The following ACOT11 variants were observed in gnomAD, a reference collection of about 807,000 sequenced individuals.
ACOT11 encodes acyl-coenzyme A thioesterase 11.
A neutral mutation model predicts 77.5 loss-of-function variants in ACOT11; 69 were observed. That is an observed-to-expected ratio of 0.89 (90% CI 0.73 to 1.09). The LOEUF is 1.09. Among genes scored for constraint, ACOT11 ranks in the 50% least tolerant of loss-of-function variants. The pLI, the probability that ACOT11 is intolerant of heterozygous loss-of-function variation, is 0.00. For missense variants in ACOT11, 766 were observed against 813.7 expected, an observed-to-expected ratio of 0.94 and a Z score of 0.71; for synonymous variants, 279 against 313.0, an observed-to-expected ratio of 0.89 and a Z score of 1.15.
chr1:54,603,258 G>C (rs928566620), intron 10 of ACOT11, among the ~76,000 whole-genome samples: 1 of 152,248 alleles, frequency 6.6e-6, no homozygotes, highest in Non-Finnish European at 1.5e-5. Flanking sequence ...GCTGAGGCAA[G>C]AGAATCGCTT....
chr1:54,601,152 T>C lies in ACOT11; in HGVS notation c.885-117T>C, dbSNP rs912435583. ...ATGTGTGTGCATACGTGTGTGTGTG[T>C]GCATGCATGTGTGTGGGCGCATGTG... On this transcript the variant is annotated intron_variant, in intron 8 of 15. Coordinates refer to ENST00000343744, the MANE Select transcript of ACOT11 (RefSeq NM_147161.4). 14 of 1,203,524 alleles carry C rather than the reference T, an allele frequency of 1.2e-5. 1 individual carries two copies. The highest frequency in any genetic ancestry group is 6.0e-5 in the African/African-American group (4 of 66,522). The allele number at this position is 1,203,524 out of a possible 1,614,324, so 74.6% of individuals were successfully genotyped here.
downstream of ACOT11, among the ~76,000 whole-genome samples, chr1:54,613,608 G>A (rs539767062): frequency 3.9e-5 from 6 of 152,080 alleles, no homozygotes; most frequent in South Asian, 2.1e-4. Flanking sequence ...TTTGAACTTT[G>A]CCTTGATGAA....
In ACOT11 at chr1:54,627,045, C is replaced by T. The variant is rs979477390; in HGVS notation, c.1630-3689C>T. Among the ~76,000 whole-genome samples, 3 of 134,152 alleles carry T rather than the reference C, an allele frequency of 2.2e-5. No individual in the cohort carries two copies. In the South Asian group the frequency reaches 7.4e-4, roughly 33 times the overall value. 88.0% of individuals were successfully genotyped at this position (134,152 alleles called of 152,430 possible). ...CTAATTTTTGTATTTTTAGTAAAGA[C>T]GGGGTTTCACCATGTTGGCCAGGCT... On this transcript the variant is annotated intron_variant, in intron 15 of 16. Transcript: ENST00000371316.
At chr1:54,575,074 C>T (rs1006327605) in intron 1 of ACOT11, among the ~76,000 whole-genome samples, 14 of 152,228 alleles carry the variant, frequency 9.2e-5, no homozygotes, top group Non-Finnish European at 1.5e-5. Flanking sequence ...ACAGAGAGCC[C>T]CCTGGGGCTC....
chr1:54,622,568 C>CA (rs111738675), intron 15 of ACOT11, among the ~76,000 whole-genome samples: 5,970 of 140,072 alleles, frequency 0.043, 241 homozygotes, highest in African/African-American at 0.1. Flanking sequence ...GACTCCGTTT[C>CA]AAAAAAAAAA....
At chr1:54,588,186 A>C (rs1654574377) in intron 3 of ACOT11, among the ~76,000 whole-genome samples, 1 of 152,096 alleles carries the variant, frequency 6.6e-6, no homozygotes, top group Admixed American at 6.5e-5. Context: ...CCTGGGTGAC[A>C]CAGTGAGATC....
At chr1:54,602,873 A>G (rs915966910) in intron 10 of ACOT11, 149 bp downstream of exon 10, 3 of 884,618 alleles carry the variant, frequency 3.4e-6, no homozygotes, top group Non-Finnish European at 4.8e-6. Flanking sequence ...CTTATTACAC[A>G]GCGGTCTTCT....
intron 10 of ACOT11, 104 bp from the exon 11 acceptor site, chr1:54,603,767 G>C (rs1643992056): frequency 3.7e-6 from 4 of 1,088,812 alleles, no homozygotes; most frequent in Non-Finnish European, 4.2e-6. Flanking sequence ...CTCCCATTCT[G>C]CCGGGCTCAG....
At chr1:54,572,593 C>T (rs1653962651) in intron 1 of ACOT11, among the ~76,000 whole-genome samples, 2 of 152,042 alleles carry the variant, frequency 1.3e-5, no homozygotes, top group South Asian at 2.1e-4. Context: ...ACGGAAAGGG[C>T]GGGTCATTCA....
At chr1:54,608,681 T>C (rs1177548544) in intron 15 of ACOT11, among the ~76,000 whole-genome samples, 1 of 152,138 alleles carries the variant, frequency 6.6e-6, no homozygotes, top group Non-Finnish European at 1.5e-5. Context: ...CTCCAGGGCC[T>C]CTGGCTGGCG....
At chr1:54,618,775 T>C (rs1644200124) in intron 15 of ACOT11, among the ~76,000 whole-genome samples, 1 of 152,164 alleles carries the variant, frequency 6.6e-6, no homozygotes, top group South Asian at 2.1e-4. Context: ...GACCGTGAAT[T>C]GACACTGCTA....
chr1:54,550,383 G>A, intron 1 of ACOT11, among the ~76,000 whole-genome samples: 1 of 152,198 alleles, frequency 6.6e-6, no homozygotes, highest in East Asian at 1.9e-4. Context: ...TGCCACCTCT[G>A]CACCATTGTC....
intron 1 of ACOT11, among the ~76,000 whole-genome samples, chr1:54,552,830 G>T (rs1179450308): frequency 2.8e-4 from 37 of 132,294 alleles, no homozygotes; most frequent in African/African-American, 5.7e-4. Context: ...TTTTTGTTTT[G>T]TTTTTTTTTT....
intron 4 of ACOT11, among the ~76,000 whole-genome samples, chr1:54,592,947 G>A (rs1654764442): frequency 1.3e-5 from 2 of 152,220 alleles, no homozygotes; most frequent in Admixed American, 6.5e-5. Flanking sequence ...GGCAGCATGA[G>A]CGCCTGATCT....
intron 7 of ACOT11, chr1:54,598,146 G>A (rs998833420): frequency 3.9e-5 from 6 of 152,394 alleles, no homozygotes; most frequent in African/African-American, 1.4e-4. Context: ...TTAACCTGTG[G>A]GAGACAGTGC....
intron 12 of ACOT11, 122 bp from the exon 13 acceptor site, chr1:54,604,954 G>A: frequency 9.7e-7 from 1 of 1,030,226 alleles, no homozygotes; most frequent in Non-Finnish European, 1.4e-6. Flanking sequence ...GAGAGGTTGA[G>A]CTGCGTGTTC....
intron 15 of ACOT11, chr1:54,623,537 A>G (rs1468525264): frequency 4.4e-6 from 3 of 683,030 alleles, no homozygotes; most frequent in Non-Finnish European, 7.8e-6. Context: ...CAGCCCTGTA[A>G]TATCCCCTCT....
intron 1 of ACOT11, among the ~76,000 whole-genome samples, chr1:54,581,898 G>C (rs1654322992): frequency 6.6e-6 from 1 of 152,212 alleles, no homozygotes; most frequent in Non-Finnish European, 1.5e-5. Context: ...TAGGAGGCCT[G>C]GCCTGGCATG....
At chr1:54,594,337 G>A (rs1489420811) in intron 5 of ACOT11, among the ~76,000 whole-genome samples, 1 of 152,194 alleles carries the variant, frequency 6.6e-6, no homozygotes, top group Non-Finnish European at 1.5e-5. Context: ...TGAGCCTTTG[G>A]CCAAGGAAGG....
Sources: gnomAD v4.1 joint callset for allele counts (sites outside exome capture counted in the v4.1 genomes callset) on GRCh38, gnomAD v4.1.1 for gene constraint, MANE v1.5 for transcripts, NCBI Gene and HGNC (gene_info 2026-07-23, HGNC 2026-07-21) for gene names.